The following RIT2 variants were observed in gnomAD, a reference collection of about 807,000 sequenced individuals.
RIT2 encodes GTP-binding protein Rit2.
In RIT2, 24 loss-of-function variants were observed where a neutral mutation model predicts 23.7. That is an observed-to-expected ratio of 1.01 (90% CI 0.73 to 1.43). RIT2 has a LOEUF of 1.43. Ranked by LOEUF, RIT2 falls within the 40% of genes most tolerant of loss-of-function variation. RIT2 has a pLI of 0.00. For synonymous variants in RIT2, 107 were observed against 91.1 expected (o/e 1.17, Z -0.99); for missense variants, 236 against 266.9 (o/e 0.88, Z 0.81).
At chr18:42,801,064 C>T (rs750688611) in intron 4 of RIT2, among the ~76,000 whole-genome samples, 18 of 152,046 alleles carry the variant, frequency 1.2e-4, no homozygotes, top group Non-Finnish European at 2.2e-4. Context: ...CAAACAGCCT[C>T]ATGTGTCATG....
rs1407538736 is a variant in RIT2, at chr18:42,870,415, A to AT, written c.426+53156dup. Among the ~76,000 whole-genome samples the AT allele has an allele frequency of 2.0e-5, 3 of 151,966 alleles. No homozygotes were observed. In the East Asian group the frequency reaches 5.8e-4, roughly 30 times the overall value. ...GCAACCACGCCTGGCTAATTTTTGT[A>AT]TTTTTAGTAGAGACAGGGTTTCACT... On this transcript the variant is annotated intron_variant, in intron 4 of 4. Transcript: ENST00000326695.
intron 4 of RIT2, among the ~76,000 whole-genome samples, chr18:42,916,718 T>C (rs1210886668): frequency 6.6e-6 from 1 of 152,084 alleles, no homozygotes; most frequent in Non-Finnish European, 1.5e-5. Flanking sequence ...CTCTGTGACA[T>C]ACACTGTGCT....
intron 1 of RIT2, among the ~76,000 whole-genome samples, chr18:43,108,750 T>G (rs1913887032): frequency 6.6e-6 from 1 of 152,232 alleles, no homozygotes; most frequent in South Asian, 2.1e-4. Flanking sequence ...TTACTGAGCC[T>G]TATTTAGACC....
intron 4 of RIT2, among the ~76,000 whole-genome samples, chr18:42,817,932 A>C (rs2143987553): frequency 6.6e-6 from 1 of 152,128 alleles, no homozygotes; most frequent in South Asian, 2.1e-4. Flanking sequence ...GAAAAATTAT[A>C]TTATTTTGTG....
At chr18:42,894,506 A>G (rs148377184) in intron 4 of RIT2, among the ~76,000 whole-genome samples, 1 of 152,324 alleles carries the variant, frequency 6.6e-6, no homozygotes, top group African/African-American at 2.4e-5. Flanking sequence ...GTACATTTAT[A>G]ATACTCAAAA....
chr18:42,811,468 A>G (rs1368415058), intron 4 of RIT2, among the ~76,000 whole-genome samples: 5 of 152,112 alleles, frequency 3.3e-5, no homozygotes, highest in Non-Finnish European at 5.9e-5. Context: ...GTGATCCAGG[A>G]AAGTCTCCAA....
intron 1 of RIT2, among the ~76,000 whole-genome samples, chr18:43,110,800 G>A (rs1913934460): frequency 6.6e-6 from 1 of 151,920 alleles, no homozygotes; most frequent in South Asian, 2.1e-4. Flanking sequence ...ATATATATGT[G>A]TGTTGTTTCT....
chr18:42,786,276 G>A (rs375520796), intron 4 of RIT2, among the ~76,000 whole-genome samples: 5 of 152,098 alleles, frequency 3.3e-5, no homozygotes, highest in Non-Finnish European at 7.4e-5. Flanking sequence ...CAAGGGGTCT[G>A]AATTTATTCT....
At position 43,115,525 on chromosome 18, in the gene RIT2, C is replaced by T. The variant is rs1914048587; in HGVS notation, c.-6G>A. 3 of 1,606,632 alleles carry T rather than the reference C, an allele frequency of 1.9e-6. No homozygotes were observed. Among genetic ancestry groups the T allele is most frequent in the South Asian group, 1.1e-5 (1 of 89,710 alleles). ...GCTTCATTTTCTACCTCCATCTTAC[C>T]CGAGGGACCGGAGGAAAAAAAGAAG... On this transcript the variant is annotated 5_prime_UTR_variant, in exon 1 of 5. Transcript: ENST00000326695.
rs149734885 is a variant in RIT2 at position 42,801,720 on chromosome 18, C to G, written c.427-58000G>C. Among the ~76,000 whole-genome samples, 41 of 152,282 alleles carry G rather than the reference C, an allele frequency of 2.7e-4. 1 individual carries two copies. In the East Asian group the frequency reaches 7.9e-3, roughly 29 times the overall value. On this transcript the variant is annotated intron_variant, in intron 4 of 4. Transcript: ENST00000326695. ...TGGTTTCTCCCTTGGTTACTAGTACCAATTACTGATGACTGTCATTCTTTC... is the reference window on the plus strand; with the variant it reads ...TGGTTTCTCCCTTGGTTACTAGTACGAATTACTGATGACTGTCATTCTTTC...
intron 1 of RIT2, among the ~76,000 whole-genome samples, chr18:43,083,811 G>A (rs2144350969): frequency 6.6e-6 from 1 of 152,180 alleles, no homozygotes; most frequent in South Asian, 2.1e-4. Flanking sequence ...TACCATTTAG[G>A]ATATAGGCAT....
chr18:42,798,384 G>A (rs764466254), intron 4 of RIT2, among the ~76,000 whole-genome samples: 15 of 152,288 alleles, frequency 9.8e-5, no homozygotes, highest in Non-Finnish European at 1.8e-4. Flanking sequence ...AGCATTTCTG[G>A]CAAGCAACAG....
intron 4 of RIT2, among the ~76,000 whole-genome samples, chr18:42,907,301 T>C (rs1908648950): frequency 6.6e-6 from 1 of 152,114 alleles, no homozygotes; most frequent in Non-Finnish European, 1.5e-5. Context: ...GCAAAAGGCA[T>C]AATATGGCGA....
chr18:43,001,417 A>G (rs1911104954), intron 2 of RIT2, among the ~76,000 whole-genome samples: 2 of 152,030 alleles, frequency 1.3e-5, no homozygotes, highest in Non-Finnish European at 2.9e-5. Context: ...TGTATAAGCA[A>G]GATGTTCATA....
chr18:43,028,642 T>C (rs919549239), intron 2 of RIT2, among the ~76,000 whole-genome samples: 1 of 152,090 alleles, frequency 6.6e-6, no homozygotes, highest in Non-Finnish European at 1.5e-5. Flanking sequence ...GCACTTATTC[T>C]GACTAGTAGT....
At chr18:42,744,431 A>C (rs935761374) in intron 4 of RIT2, among the ~76,000 whole-genome samples, 1 of 152,230 alleles carries the variant, frequency 6.6e-6, no homozygotes, top group Non-Finnish European at 1.5e-5. Context: ...CTGATTAAAA[A>C]ATTGAACTAG....
intron 3 of RIT2, among the ~76,000 whole-genome samples, chr18:42,966,411 T>C (rs140708710): frequency 1.2e-3 from 186 of 152,338 alleles, no homozygotes; most frequent in Non-Finnish European, 2.0e-3. Context: ...AGTCATTTTA[T>C]GTAGTACTCT....
At chr18:43,059,119 G>A (rs1038588038) in intron 1 of RIT2, among the ~76,000 whole-genome samples, 4 of 151,622 alleles carry the variant, frequency 2.6e-5, no homozygotes, top group African/African-American at 9.7e-5. Context: ...TTTTTCCAAA[G>A]AGGAATGACA....
intron 1 of RIT2, among the ~76,000 whole-genome samples, chr18:43,042,138 G>C (rs1245477717): frequency 6.6e-6 from 1 of 152,182 alleles, no homozygotes; most frequent in Non-Finnish European, 1.5e-5. Context: ...GGAAAAATGA[G>C]ATTGGGAGAC....
Sources: gnomAD v4.1 joint callset for allele counts (sites outside exome capture counted in the v4.1 genomes callset) on GRCh38, gnomAD v4.1.1 for gene constraint, MANE v1.5 for transcripts, NCBI Gene and HGNC (gene_info 2026-07-23, HGNC 2026-07-21) for gene names.